Variants in TNC observed in about 807,000 individuals in gnomAD.
The protein encoded by TNC is tenascin C.
In TNC, 109 loss-of-function variants were observed where a neutral mutation model predicts 202.4. The ratio of observed to expected loss-of-function variants is 0.54; its 90% CI spans 0.46 to 0.63. The LOEUF (loss-of-function observed/expected upper bound fraction) is 0.63. Ranked by LOEUF, TNC falls within the 30% of genes least tolerant of loss-of-function variation. TNC has a pLI of 0.00. For synonymous variants in TNC, 1,007 were observed against 1,089.7 expected, an observed-to-expected ratio of 0.92 and a Z score of 1.50; for missense variants, 2,756 against 2,833.3, an observed-to-expected ratio of 0.97 and a Z score of 0.62.
intron 25 of TNC, among the ~76,000 whole-genome samples, chr9:115,028,166 G>A (rs544141394): frequency 1.3e-5 from 2 of 152,268 alleles, no homozygotes; most frequent in African/African-American, 4.8e-5. Flanking sequence ...GGCTAATAGG[G>A]TCCAAATTAT....
intron 24 of TNC, 148 bp from the exon 25 acceptor site, chr9:115,029,604 C>G: frequency 1.4e-6 from 1 of 720,380 alleles, no homozygotes; most frequent in Non-Finnish European, 2.3e-6. Context: ...GGGTGGTCAC[C>G]TGCCCCTCCT....
intron 1 of TNC, among the ~76,000 whole-genome samples, chr9:115,116,459 C>A (rs1837475493): frequency 6.6e-6 from 1 of 152,178 alleles, no homozygotes; most frequent in Non-Finnish European, 1.5e-5. Flanking sequence ...TTGTCTAGGA[C>A]TGAATAAATC....
intron 21 of TNC, 40 bp downstream of exon 21, chr9:115,036,058 C>A: frequency 6.2e-7 from 1 of 1,612,158 alleles, no homozygotes; most frequent in Non-Finnish European, 8.5e-7. Context: ...TGGGTGGGCA[C>A]CCCAGAAGGG....
chr9:115,094,988 T>C (rs1835528944), intron 1 of TNC, among the ~76,000 whole-genome samples: 1 of 152,034 alleles, frequency 6.6e-6, no homozygotes, highest in Admixed American at 6.6e-5. Flanking sequence ...AAGGTCTTCT[T>C]TGAGAATGTA....
chr9:115,036,341 T>C (rs2131824637), intron 20 of TNC, 100 bp from the exon 21 acceptor site: 1 of 1,347,120 alleles, frequency 7.4e-7, no homozygotes, highest in East Asian at 2.3e-5. Flanking sequence ...ACATCGAAAC[T>C]TTCAGTGACC....
chr9:115,081,713 G>A (rs1834316552), intron 6 of TNC, 59 bp downstream of exon 6: 6 of 1,583,630 alleles, frequency 3.8e-6, no homozygotes, highest in African/African-American at 1.3e-5. Context: ...TCTCAACCAG[G>A]AGGTGCTATG....
Position 115,086,382 on chromosome 9 carries a change from A to G in TNC, c.1349T>C (p.Val450Ala), listed in dbSNP as rs1490672463. The change falls in exon 3 of 28, where the codon GTC becomes GCC. Residue 450 changes from valine (V) to alanine (A), a missense_variant. Coordinates refer to ENST00000350763, the MANE Select transcript of TNC (RefSeq NM_002160.4). The stretch of plus-strand genomic sequence containing the variant: ...TTGCTCACATACACATTTGCCCTCG[A>G]CACAGCGGCCCCGACTGTGACAGTC... Reference protein sequence around the residue: ...PNDCHSRGRCVEGKCVCEQGF... With the variant: ...PNDCHSRGRCAEGKCVCEQGF... The G allele has an allele frequency of 6.2e-7, 1 of 1,614,096 alleles. No homozygotes were observed. The highest frequency in any genetic ancestry group is 1.1e-5 in the South Asian group (1 of 91,080).
At chr9:115,093,934 T>G (rs961774073) in intron 1 of TNC, among the ~76,000 whole-genome samples, 3 of 152,148 alleles carry the variant, frequency 2.0e-5, no homozygotes, top group Admixed American at 6.5e-5. Context: ...GGGCAGTGGG[T>G]GTTTTTGTAC....
intron 15 of TNC, among the ~76,000 whole-genome samples, chr9:115,056,580 T>C (rs1310502670): frequency 3.3e-5 from 5 of 152,248 alleles, no homozygotes; most frequent in Non-Finnish European, 7.3e-5. Context: ...TCTGATCTTC[T>C]AGAGGTGGTG....
intron 15 of TNC, among the ~76,000 whole-genome samples, chr9:115,056,018 T>A (rs913232776): frequency 2.6e-5 from 4 of 152,156 alleles, no homozygotes; most frequent in African/African-American, 9.7e-5. Context: ...TATCCATGGA[T>A]CACCCTGACG....
At chr9:115,098,860 G>A (rs1835992388) in intron 1 of TNC, among the ~76,000 whole-genome samples, 1 of 151,020 alleles carries the variant, frequency 6.6e-6, no homozygotes, top group South Asian at 2.1e-4. Context: ...CTCACCCTTT[G>A]TCCTTCCCAA....
At chr9:115,100,984 A>C (rs1836189243) in intron 1 of TNC, among the ~76,000 whole-genome samples, 1 of 152,172 alleles carries the variant, frequency 6.6e-6, no homozygotes, top group Admixed American at 6.5e-5. Flanking sequence ...GAGAAATATC[A>C]GTGGTGGGAT....
At chr9:115,060,917 A>C (rs1182252245) in intron 13 of TNC, among the ~76,000 whole-genome samples, 2 of 152,216 alleles carry the variant, frequency 1.3e-5, no homozygotes, top group African/African-American at 4.8e-5. Flanking sequence ...TTTTAATTAA[A>C]AGAAAGGAGA....
At position 115,086,176 on chromosome 9, in the gene TNC, C is replaced by G. The variant is rs1183798456; in HGVS notation, c.1555G>C (p.Glu519Gln). ...GLCVDGQCVC[E>Q]DGFTGPDCAE... is the part of the protein sequence containing the mutation. ...CAGTCAGGGCCGGTGAAGCCGTCCT[C>G]ACAGACGCACTGTCCGTCCACACAG... The change falls in exon 3 of 28, where the codon GAG becomes CAG. Residue 519 changes from glutamate (E) to glutamine (Q), a missense_variant. This residue lies in a region of TNC where 2,559 missense variants were observed against 2,546.0 expected (regional missense o/e 1.01). Transcript: ENST00000350763. 1.9e-6 allele frequency: 3 copies of G among 1,614,008 alleles called. No individual in the cohort carries two copies. Among genetic ancestry groups the G allele is most frequent in the Admixed American group, 3.3e-5 (2 of 60,008 alleles).
In TNC at chr9:115,048,243, C is replaced by T. The variant is rs1337455601; in HGVS notation, c.4852+17G>A. On this transcript the variant is annotated intron_variant, in intron 16 of 27. Transcript: ENST00000350763. The stretch of plus-strand genomic sequence containing the variant: ...GGACCAGGAAGAGGAACAAATGGCT[C>T]ACTTGATTTGAAATACCTGTAACAA... 5.6e-6 allele frequency: 9 copies of T among 1,609,154 alleles called. No homozygotes were observed. Among genetic ancestry groups the T allele is most frequent in the Non-Finnish European group, 7.6e-6 (9 of 1,176,932 alleles).
chr9:115,108,651 G>A (rs1270259561), intron 1 of TNC, among the ~76,000 whole-genome samples: 1 of 152,114 alleles, frequency 6.6e-6, no homozygotes, highest in African/African-American at 2.4e-5. Context: ...CCTTCCCCCT[G>A]CTATGGTCTG....
At chr9:115,109,485 G>A (rs1021341276) in intron 1 of TNC, among the ~76,000 whole-genome samples, 2 of 152,168 alleles carry the variant, frequency 1.3e-5, no homozygotes, top group African/African-American at 4.8e-5. Flanking sequence ...ATTTCTTCTT[G>A]TGGGCTGTGA....
rs1430800188 is a variant in TNC, at chr9:115,020,222, T to G, written c.*935A>C. On this transcript the variant is annotated 3_prime_UTR_variant, in exon 28 of 28. Transcript: ENST00000350763. ...CGCTTGCCTAATTAAATTTTTTTTT[T>G]TTTTTTTTTCTGTAGAGACAAGTTC... 1 of 149,964 alleles carries G rather than the reference T, an allele frequency of 6.7e-6. No homozygotes were observed. The highest frequency in any genetic ancestry group is 1.5e-5 in the Non-Finnish European group (1 of 67,330). The allele number at this position is 149,964 out of a possible 1,614,324, so 9.3% of individuals were successfully genotyped here.
intron 19 of TNC, among the ~76,000 whole-genome samples, chr9:115,040,467 A>G (rs1377567168): frequency 6.6e-6 from 1 of 152,214 alleles, no homozygotes; most frequent in African/African-American, 2.4e-5. Context: ...GGGGAGGTGA[A>G]GGTGATGGTG....
Sources: allele counts gnomAD v4.1 joint callset (sites outside exome capture counted in the v4.1 genomes callset), GRCh38; gene constraint gnomAD v4.1.1; regional missense constraint gnomAD v4.1.1; transcripts MANE v1.5; gene names NCBI Gene and HGNC (gene_info 2026-07-23, HGNC 2026-07-21).